Variants in HECTD4 observed in about 807,000 individuals in gnomAD.
HECTD4 encodes the protein probable E3 ubiquitin-protein ligase HECTD4.
A neutral mutation model predicts 471.5 loss-of-function variants in HECTD4; 114 were observed. The observed-to-expected ratio is 0.24, with a 90% CI of 0.21 to 0.28. The LOEUF is 0.28. Among genes scored for constraint, HECTD4 ranks in the 10% least tolerant of loss-of-function variants. HECTD4 has a pLI of 1.00. For synonymous variants in HECTD4, 2,012 were observed against 2,256.0 expected (o/e 0.89, Z 3.07); for missense variants, 3,866 against 5,651.5 (o/e 0.68, Z 10.13).
intron 23 of HECTD4, among the ~76,000 whole-genome samples, 152 bp from the exon 24 acceptor site, chr12:112,251,286 T>C (rs1378544677): frequency 1.3e-5 from 2 of 152,110 alleles, no homozygotes; most frequent in Non-Finnish European, 2.9e-5. Flanking sequence ...AGCACCCAAA[T>C]CATGACTAGA....
At chr12:112,292,134 G>A (rs926709907) in intron 7 of HECTD4, among the ~76,000 whole-genome samples, 2 of 151,960 alleles carry the variant, frequency 1.3e-5, no homozygotes, top group African/African-American at 2.4e-5. Flanking sequence ...CCCTGGCTAC[G>A]TCTCCAACTT....
At chr12:112,329,081 T>C (rs1456194632) in intron 1 of HECTD4, among the ~76,000 whole-genome samples, 2 of 152,208 alleles carry the variant, frequency 1.3e-5, no homozygotes, top group Non-Finnish European at 2.9e-5. Context: ...TTTTCATCTT[T>C]TGTGCTGTCC....
chr12:112,209,910 CT>C (rs549747388), intron 50 of HECTD4, 104 bp downstream of exon 50: 208 of 958,258 alleles, frequency 2.2e-4, no homozygotes, highest in Non-Finnish European at 3.1e-4. Context: ...GAGTTTGCAA[CT>C]CCTGATTGTA....
chr12:112,226,847 G>T (rs1300202585), intron 43 of HECTD4, 89 bp from the exon 44 acceptor site: 2 of 944,120 alleles, frequency 2.1e-6, no homozygotes, highest in African/African-American at 1.6e-5. Context: ...AATCAATTTT[G>T]CCCCCCAGTT....
chr12:112,250,420 A>G (rs2033855242), intron 24 of HECTD4, 43 bp from the exon 25 acceptor site: 2 of 1,385,658 alleles, frequency 1.4e-6, no homozygotes, highest in South Asian at 1.2e-5. Flanking sequence ...TCTCTCAACA[A>G]GAGTATTGGA....
intron 7 of HECTD4, among the ~76,000 whole-genome samples, chr12:112,297,424 C>G (rs1040376498): frequency 6.7e-5 from 10 of 149,680 alleles, no homozygotes. Flanking sequence ...CAGTGGATGG[C>G]AGTACAGAGG....
intron 1 of HECTD4, among the ~76,000 whole-genome samples, chr12:112,358,894 G>A (rs377722593): frequency 2.0e-5 from 3 of 152,044 alleles, no homozygotes; most frequent in African/African-American, 4.8e-5. Context: ...AAGAACGGCC[G>A]GCCGGGCGCG....
chr12:112,332,811 CA>C (rs58813588), intron 1 of HECTD4, among the ~76,000 whole-genome samples: 23,082 of 139,190 alleles, frequency 0.17, 2,326 homozygotes, highest in African/African-American at 0.31. Context: ...CACCCTACTG[CA>C]AAAAAAAAAA....
rs905725556 is a variant in HECTD4, at chr12:112,269,168, C to T, written c.2321+536G>A. 5.3e-5 allele frequency among the ~76,000 whole-genome samples: 8 copies of T among 152,104 alleles called. No individual in the cohort carries two copies. The South Asian group carries it at 6.2e-4, about 12-fold the overall frequency. ...GATTACAGGCGTGAGCCACCGCGCC[C>T]GGCCCTGAAAAGGTTTTAAACAGGT... On this transcript the variant is annotated intron_variant, in intron 13 of 75. Transcript: ENST00000682272.
intron 1 of HECTD4, among the ~76,000 whole-genome samples, chr12:112,336,608 T>C (rs1240148872): frequency 6.6e-6 from 1 of 151,974 alleles, no homozygotes; most frequent in Non-Finnish European, 1.5e-5. Context: ...TTATTGTTAA[T>C]TTTAAAAGAT....
intron 7 of HECTD4, among the ~76,000 whole-genome samples, chr12:112,283,949 TTTC>T (rs1270197944): frequency 2.0e-5 from 3 of 151,548 alleles, no homozygotes; most frequent in East Asian, 1.9e-4. Context: ...GGTTTTCTTC[TTTC>T]TTCTTTTTTT....
In HECTD4 at chr12:112,243,254, T is replaced by C. The variant is rs2033682076; in HGVS notation, c.4958+99A>G. 1 of 1,055,262 alleles carries C rather than the reference T, an allele frequency of 9.5e-7. No individual in the cohort carries two copies. Among genetic ancestry groups the C allele is most frequent in the Non-Finnish European group, 1.4e-6 (1 of 736,222 alleles). 65.4% of individuals were successfully genotyped at this position (1,055,262 alleles called of 1,614,324 possible). ...ATATAAATATTTTAGAGGAAAACATTAGCAAATACTACCGCCTATGTTTGG... is the reference window on the plus strand; with the variant it reads ...ATATAAATATTTTAGAGGAAAACATCAGCAAATACTACCGCCTATGTTTGG... On this transcript the variant is annotated intron_variant, in intron 32 of 75. Transcript: ENST00000682272. This position sits in a 1 kb window ranked among gnomAD's most constrained non-coding sequence, Gnocchi z 6.6.
chr12:112,219,170 CTGCTA>C (rs2033017870), intron 45 of HECTD4, among the ~76,000 whole-genome samples: 1 of 152,184 alleles, frequency 6.6e-6, no homozygotes, highest in African/African-American at 2.4e-5. Flanking sequence ...TTTCGCTCCC[CTGCTA>C]TAATTTTCCA....
At chr12:112,280,356 C>T (rs1000384948) in intron 8 of HECTD4, among the ~76,000 whole-genome samples, 9 of 152,034 alleles carry the variant, frequency 5.9e-5, no homozygotes, top group Admixed American at 2.6e-4. Context: ...AGTGAATTTA[C>T]GGATTTTCTA....
At chr12:112,174,527 T>G (rs929070464) in intron 66 of HECTD4, among the ~76,000 whole-genome samples, 6 of 152,184 alleles carry the variant, frequency 3.9e-5, no homozygotes, top group African/African-American at 7.2e-5. Flanking sequence ...GTGCTGGGAT[T>G]ACAGGCGTGA....
At chr12:112,353,011 G>A (rs1012664573) in intron 1 of HECTD4, among the ~76,000 whole-genome samples, 8 of 152,290 alleles carry the variant, frequency 5.3e-5, no homozygotes, top group Non-Finnish European at 8.8e-5. Flanking sequence ...TTGCCAAAAG[G>A]CTAGAAGCAT....
chr12:112,162,618 T>G lies in HECTD4; in HGVS notation c.13121-95A>C. On this transcript the variant is annotated intron_variant, in intron 75 of 75. Transcript: ENST00000682272. This position sits in a 1 kb window ranked among gnomAD's most constrained non-coding sequence, Gnocchi z 5.2. Reference sequence around the variant, plus strand: ...GCCTCTGCTTCCAGGTTTGCCTCCTTGGGTAGCCCCAAGCCAATCCTGGGG... The same window carrying G: ...GCCTCTGCTTCCAGGTTTGCCTCCTGGGGTAGCCCCAAGCCAATCCTGGGG... The G allele has an allele frequency of 6.7e-7, 1 of 1,501,170 alleles. No homozygotes were observed. Among genetic ancestry groups the G allele is most frequent in the Non-Finnish European group, 9.1e-7 (1 of 1,097,718 alleles). The allele number at this position is 1,501,170 out of a possible 1,614,324, so 93.0% of individuals were successfully genotyped here. A position where few individuals can be genotyped will look rare whatever the true frequency, so the allele number is the denominator to read the frequency against.
intron 68 of HECTD4, 66 bp downstream of exon 68, chr12:112,171,051 C>A: frequency 7.1e-7 from 1 of 1,412,678 alleles, no homozygotes. Flanking sequence ...CCCGTGGATT[C>A]TGGCCCTGGT....
chr12:112,255,174 G>A (rs2135593990), intron 21 of HECTD4, among the ~76,000 whole-genome samples: 1 of 152,218 alleles, frequency 6.6e-6, no homozygotes, highest in East Asian at 1.9e-4. Flanking sequence ...GTTTTTAAAG[G>A]AGAAACAAAA....
Sources: gnomAD v4.1 joint callset for allele counts (sites outside exome capture counted in the v4.1 genomes callset) on GRCh38, gnomAD v4.1.1 for gene constraint, Gnocchi (gnomAD v3.1) non-coding constraint, MANE v1.5 for transcripts, NCBI Gene and HGNC (gene_info 2026-07-23, HGNC 2026-07-21) for gene names.